The following MAD1L1 variants were observed in gnomAD, a reference collection of about 807,000 sequenced individuals.
MAD1L1 encodes mitotic arrest deficient 1 like 1, also known as mitotic spindle assembly checkpoint protein MAD1.
MAD1L1 carries 95 observed loss-of-function variants against 96.9 expected under a neutral mutation model. The observed-to-expected ratio is 0.98, with a 90% CI of 0.83 to 1.16. The LOEUF (loss-of-function observed/expected upper bound fraction) is 1.16. MAD1L1 is among the 50% of genes most tolerant of loss of function. MAD1L1 has a pLI of 0.00. For synonymous variants in MAD1L1, 473 were observed against 396.6 expected, an observed-to-expected ratio of 1.19 and a Z score of -2.29; for missense variants, 1,007 against 954.4, an observed-to-expected ratio of 1.06 and a Z score of -0.73.
intron 14 of MAD1L1, among the ~76,000 whole-genome samples, chr7:1,996,234 C>A (rs1781552184): frequency 9.3e-6 from 1 of 107,646 alleles, no homozygotes; most frequent in Admixed American, 8.4e-5. Context: ...GGGCAGGGTC[C>A]CCCCGGGTCT....
At chr7:1,822,973 T>G (rs1480926046) in intron 18 of MAD1L1, among the ~76,000 whole-genome samples, 2 of 152,052 alleles carry the variant, frequency 1.3e-5, no homozygotes, top group Non-Finnish European at 2.9e-5. Context: ...TCCAGGCCAC[T>G]TTCTAACAGA....
At chr7:2,224,727 C>G (rs1192443627) in intron 4 of MAD1L1, among the ~76,000 whole-genome samples, 2 of 152,196 alleles carry the variant, frequency 1.3e-5, no homozygotes, top group Non-Finnish European at 2.9e-5. Context: ...GACTGAAACC[C>G]TGGCAAAGTG....
chr7:1,989,768 G>A (rs1168606571), intron 14 of MAD1L1, among the ~76,000 whole-genome samples: 6 of 152,128 alleles, frequency 3.9e-5, no homozygotes, highest in South Asian at 4.1e-4. Flanking sequence ...GCCCGGCTTC[G>A]GCATGGCCCA....
chr7:2,095,311 T>G (rs1457686083), intron 11 of MAD1L1, among the ~76,000 whole-genome samples: 1 of 152,160 alleles, frequency 6.6e-6, no homozygotes, highest in Non-Finnish European at 1.5e-5. Flanking sequence ...CCCAAAGTGC[T>G]GGGATTACAG....
intron 16 of MAD1L1, among the ~76,000 whole-genome samples, chr7:1,946,854 C>G (rs528161825): frequency 1.3e-5 from 2 of 152,352 alleles, no homozygotes; most frequent in African/African-American, 2.4e-5. Context: ...TCCCGGGCTG[C>G]CTTGTAAGCC....
chr7:1,888,360 G>A (rs1252521377), intron 18 of MAD1L1, among the ~76,000 whole-genome samples: 1 of 139,250 alleles, frequency 7.2e-6, no homozygotes, highest in Admixed American at 7.2e-5. Flanking sequence ...GTGTGTGCAT[G>A]CATGCGTGTA....
chr7:2,033,071 C>T (rs1783301897), intron 12 of MAD1L1, among the ~76,000 whole-genome samples: 1 of 152,260 alleles, frequency 6.6e-6, no homozygotes, highest in Non-Finnish European at 1.5e-5. Flanking sequence ...ACTGACTGGC[C>T]ATGATAAACA....
intron 13 of MAD1L1, among the ~76,000 whole-genome samples, chr7:2,009,223 G>A (rs1260372201): frequency 6.6e-6 from 1 of 152,186 alleles, no homozygotes; most frequent in Admixed American, 6.5e-5. Context: ...TTTTTATCCT[G>A]AGGTGAGAAG....
At chr7:2,121,009 G>A (rs1408510412) in intron 11 of MAD1L1, among the ~76,000 whole-genome samples, 1 of 152,204 alleles carries the variant, frequency 6.6e-6, no homozygotes, top group Non-Finnish European at 1.5e-5. Flanking sequence ...AGGTGGACTC[G>A]AGGGAGATGG....
At chr7:1,981,177 G>A (rs1354046806) in intron 14 of MAD1L1, among the ~76,000 whole-genome samples, 1 of 152,196 alleles carries the variant, frequency 6.6e-6, no homozygotes, top group African/African-American at 2.4e-5. Context: ...GTGTTCTCCA[G>A]GCTGGTCTCG....
At chr7:2,021,959 T>C (rs932925849) in intron 12 of MAD1L1, among the ~76,000 whole-genome samples, 1 of 151,854 alleles carries the variant, frequency 6.6e-6, no homozygotes, top group Non-Finnish European at 1.5e-5. Flanking sequence ...TCTACTTTAT[T>C]CATCTGTTTT....
rs978939051 is a variant in MAD1L1, at chr7:2,146,365, G to A, written c.1073+2787C>T. On this transcript the variant is annotated intron_variant, in intron 11 of 18. Coordinates refer to ENST00000265854, the MANE Select transcript of MAD1L1 (RefSeq NM_001013836.2). The surrounding 1 kb of genome is among the most constrained non-coding windows in gnomAD (Gnocchi z 6.2). Reference sequence around the variant, plus strand: ...GAGGGAGCACCGGGCACTGGGCTACGAGGAACAGGGCAACGCCTCGAAGAG... The same window carrying A: ...GAGGGAGCACCGGGCACTGGGCTACAAGGAACAGGGCAACGCCTCGAAGAG... 4.0e-5 allele frequency among the ~76,000 whole-genome samples: 6 copies of A among 150,474 alleles called. No individual in the cohort carries two copies. The highest frequency in any genetic ancestry group is 1.5e-4 in the African/African-American group (6 of 40,554).
chr7:2,080,866 T>C (rs1785606015), intron 11 of MAD1L1, among the ~76,000 whole-genome samples: 1 of 152,126 alleles, frequency 6.6e-6, no homozygotes, highest in Admixed American at 6.5e-5. Flanking sequence ...GGGACACAAA[T>C]GCTGGGGGAG....
chr7:2,005,319 C>T (rs900651179), intron 13 of MAD1L1, among the ~76,000 whole-genome samples: 3 of 152,170 alleles, frequency 2.0e-5, no homozygotes, highest in African/African-American at 4.8e-5. Flanking sequence ...TCCTGTGTGA[C>T]CCAGGAAGTT....
intron 15 of MAD1L1, among the ~76,000 whole-genome samples, chr7:1,977,834 C>A (rs541539767): frequency 6.6e-6 from 1 of 152,230 alleles, no homozygotes; most frequent in Non-Finnish European, 1.5e-5. Context: ...CAGGCTCCTG[C>A]GTGGGCAGCC....
chr7:1,975,454 C>CA (rs1780593237), intron 15 of MAD1L1, among the ~76,000 whole-genome samples: 1 of 152,162 alleles, frequency 6.6e-6, no homozygotes, highest in South Asian at 2.1e-4. Context: ...TCCACTTTCC[C>CA]AGGCTGAACT....
At chr7:1,894,052 C>G (rs1404219923) in intron 18 of MAD1L1, among the ~76,000 whole-genome samples, 2 of 152,214 alleles carry the variant, frequency 1.3e-5, no homozygotes. Context: ...AAGCCAGGCC[C>G]TGAGCTGGGG....
At chr7:2,198,053 C>T (rs893533553) in intron 10 of MAD1L1, among the ~76,000 whole-genome samples, 4 of 151,802 alleles carry the variant, frequency 2.6e-5, no homozygotes, top group Admixed American at 6.6e-5. Flanking sequence ...CAAGCGCCCC[C>T]GCTCATCCCA....
intron 10 of MAD1L1, among the ~76,000 whole-genome samples, chr7:2,177,412 T>C (rs540868246): frequency 1.4e-4 from 22 of 152,356 alleles, no homozygotes; most frequent in African/African-American, 5.3e-4. Context: ...CTTTGGTATA[T>C]TCCGGGAATA....
Sources: allele counts gnomAD v4.1 joint callset (sites outside exome capture counted in the v4.1 genomes callset), GRCh38; gene constraint gnomAD v4.1.1; non-coding constraint Gnocchi (gnomAD v3.1); transcripts MANE v1.5; gene names NCBI Gene and HGNC (gene_info 2026-07-23, HGNC 2026-07-21).